Variants in ARB2A observed in about 807,000 individuals in gnomAD.
ARB2A encodes cotranscriptional regulator ARB2A.
the ARB2A span, chr5:93,805,065 T>C: frequency 5.2e-6 from 5 of 961,200 alleles, no homozygotes; most frequent in African/African-American, 8.8e-5. Context: ...ATATAATTAA[T>C]GATTAATGAT....
At chr5:93,757,466 G>GAGC in the ARB2A span, among the ~76,000 whole-genome samples, 1 of 152,142 alleles carries the variant, frequency 6.6e-6, no homozygotes, top group East Asian at 1.9e-4. Context: ...AGAATCTTAA[G>GAGC]AGCTGTAAGA....
chr5:94,022,170 A>G, the ARB2A span, among the ~76,000 whole-genome samples: 2 of 152,176 alleles, frequency 1.3e-5, no homozygotes, highest in Non-Finnish European at 2.9e-5. Flanking sequence ...CTCCAGCTTG[A>G]GCAACAGCAA....
the ARB2A span, among the ~76,000 whole-genome samples, chr5:93,916,628 C>A: frequency 6.6e-6 from 1 of 152,108 alleles, no homozygotes; most frequent in East Asian, 1.9e-4. Context: ...TCTGTCTTGG[C>A]TTCTTCCAGC....
the ARB2A span, among the ~76,000 whole-genome samples, chr5:94,037,788 G>T: frequency 3.3e-5 from 5 of 152,028 alleles, no homozygotes; most frequent in Non-Finnish European, 7.4e-5. Context: ...TAATGAAGTT[G>T]TTCCTAGTTT....
the ARB2A span, among the ~76,000 whole-genome samples, chr5:93,926,408 T>C: frequency 9.9e-5 from 15 of 152,138 alleles, no homozygotes; most frequent in Admixed American, 8.5e-4. Flanking sequence ...GCTGGGATTA[T>C]AGGCATGAGC....
At chr5:93,717,850 T>C in the ARB2A span, among the ~76,000 whole-genome samples, 22 of 151,466 alleles carry the variant, frequency 1.5e-4, no homozygotes, top group African/African-American at 5.3e-4. Context: ...TTTTTTTTTT[T>C]TTGAGACGGA....
the ARB2A span, among the ~76,000 whole-genome samples, chr5:93,952,238 A>C: frequency 6.6e-6 from 1 of 152,236 alleles, no homozygotes; most frequent in African/African-American, 2.4e-5. Flanking sequence ...CATGAAATTT[A>C]TATGGAACCA....
chr5:93,964,057 A>G, the ARB2A span, among the ~76,000 whole-genome samples: 1 of 152,048 alleles, frequency 6.6e-6, no homozygotes, highest in African/African-American at 2.4e-5. Flanking sequence ...TGTAGAAATA[A>G]GACATATTTT....
chr5:93,694,600 A>C, the ARB2A span, among the ~76,000 whole-genome samples: 3 of 152,232 alleles, frequency 2.0e-5, no homozygotes, highest in African/African-American at 7.2e-5. Context: ...TATGGTGAAA[A>C]TGGTGATACT....
the ARB2A span, among the ~76,000 whole-genome samples, chr5:93,761,442 T>C: frequency 2.6e-5 from 4 of 152,166 alleles, no homozygotes; most frequent in Non-Finnish European, 4.4e-5. Flanking sequence ...CCTACGCCCA[T>C]GGAGCCTCGC....
chr5:94,052,483 A>G, the ARB2A span, among the ~76,000 whole-genome samples: 1 of 152,218 alleles, frequency 6.6e-6, no homozygotes, highest in African/African-American at 2.4e-5. Flanking sequence ...CAAAGCACCA[A>G]TTCGGTTAAT....
chr5:93,635,459 G>GTTTTTTTTTTTTTTTTTTTTTT, the ARB2A span, among the ~76,000 whole-genome samples: 27 of 128,918 alleles, frequency 2.1e-4, 2 homozygotes, highest in African/African-American at 7.6e-4. Context: ...TTATACGAAA[G>GTTTTTTTTTTTTTTTTTTTTTT]TTTTTTTTTT....
chr5:93,859,879 C>G, the ARB2A span, among the ~76,000 whole-genome samples: 1 of 152,306 alleles, frequency 6.6e-6, no homozygotes, highest in South Asian at 2.1e-4. Flanking sequence ...AATCATACAA[C>G]TACTTTGGGA....
At chr5:93,860,657 T>C in the ARB2A span, 3 of 134,646 alleles carry the variant, frequency 2.2e-5, no homozygotes, top group African/African-American at 8.1e-5. Context: ...TTCTTTTTTT[T>C]TTTCTTTTTT....
the ARB2A span, among the ~76,000 whole-genome samples, chr5:93,797,776 T>C: frequency 3.9e-5 from 6 of 152,178 alleles, no homozygotes; most frequent in African/African-American, 1.2e-4. Context: ...CTAATGTGAT[T>C]ATAAGTGAAA....
chr5:93,642,091 G>A, the ARB2A span, among the ~76,000 whole-genome samples: 2 of 151,886 alleles, frequency 1.3e-5, no homozygotes, highest in African/African-American at 4.8e-5. Flanking sequence ...AGTGATCCTT[G>A]CATCTCAGCC....
At chr5:93,984,976 T>TCC in the ARB2A span, among the ~76,000 whole-genome samples, 1 of 152,242 alleles carries the variant, frequency 6.6e-6, no homozygotes, top group African/African-American at 2.4e-5. Flanking sequence ...CCTGTCCTCC[T>TCC]CCATTGTATT....
chr5:93,921,520 A>T, the ARB2A span, among the ~76,000 whole-genome samples: 1 of 152,312 alleles, frequency 6.6e-6, no homozygotes, highest in East Asian at 1.9e-4. Context: ...CGCCATTAAG[A>T]AAATCATTGA....
the ARB2A span, among the ~76,000 whole-genome samples, chr5:93,932,021 T>C: frequency 6.6e-6 from 1 of 152,210 alleles, no homozygotes; most frequent in East Asian, 1.9e-4. Context: ...TTTGAATTCA[T>C]AATTAGAATT....
Sources: gnomAD v4.1 joint callset for allele counts (sites outside exome capture counted in the v4.1 genomes callset) on GRCh38, gnomAD v4.1.1 for gene constraint, MANE v1.5 for transcripts, NCBI Gene and HGNC (gene_info 2026-07-23, HGNC 2026-07-21) for gene names.